POLQ: variants seen among roughly 807,000 people sequenced by gnomAD.
POLQ encodes the protein DNA polymerase theta, also known as epididymis secretory sperm binding protein.
In POLQ, 233 loss-of-function variants were observed where a neutral mutation model predicts 259.2. The observed-to-expected ratio is 0.90, with a 90% CI of 0.81 to 1.00. The LOEUF (loss-of-function observed/expected upper bound fraction) is 1.00, where lower values mean the gene tolerates loss of function less well. Among genes scored for constraint, POLQ ranks in the 50% least tolerant of loss-of-function variants. POLQ has a pLI of 0.00. For synonymous variants in POLQ, 1,025 were observed against 1,048.8 expected (o/e 0.98, Z 0.44); for missense variants, 2,871 against 3,051.6 (o/e 0.94, Z 1.39).
At chr3:121,528,106 G>A (rs1400671117) in intron 7 of POLQ, among the ~76,000 whole-genome samples, 1 of 152,104 alleles carries the variant, frequency 6.6e-6, no homozygotes, top group African/African-American at 2.4e-5. Context: ...GTGTCTGTGT[G>A]CCTAAGTTTT....
intron 3 of POLQ, among the ~76,000 whole-genome samples, chr3:121,540,946 C>T (rs976968779): frequency 3.3e-5 from 5 of 150,300 alleles, no homozygotes; most frequent in Non-Finnish European, 5.9e-5. Context: ...GGCTGGAGTG[C>T]AATAGCGTGA....
intron 17 of POLQ, among the ~76,000 whole-genome samples, chr3:121,483,923 G>T (rs1205160468): frequency 6.6e-6 from 1 of 152,028 alleles, no homozygotes; most frequent in Non-Finnish European, 1.5e-5. Flanking sequence ...ATTTTAAAGA[G>T]AGATTTAGTA....
In POLQ at chr3:121,539,609, A is replaced by G; in HGVS notation, c.475-20T>C. 6.2e-7 allele frequency: 1 copy of G among 1,601,346 alleles called. No individual in the cohort carries two copies. Among genetic ancestry groups the G allele is most frequent in the Non-Finnish European group, 8.5e-7 (1 of 1,171,072 alleles). On this transcript the variant is annotated intron_variant, in intron 3 of 29. Transcript: ENST00000264233. Reference sequence around the variant, plus strand: ...CAGACTCTGAATTGAGTAAAAAGGAACAATACAGGTGAAAAAACTTGAAAT... The same window carrying G: ...CAGACTCTGAATTGAGTAAAAAGGAGCAATACAGGTGAAAAAACTTGAAAT...
At chr3:121,540,495 T>C (rs2048482463) in intron 3 of POLQ, among the ~76,000 whole-genome samples, 1 of 152,234 alleles carries the variant, frequency 6.6e-6, no homozygotes, top group Admixed American at 6.5e-5. Flanking sequence ...AAATATTGTA[T>C]TTGTGAAAAT....
chr3:121,492,339 A>G (rs1445777906), intron 15 of POLQ, among the ~76,000 whole-genome samples: 1 of 150,960 alleles, frequency 6.6e-6, no homozygotes, highest in African/African-American at 2.4e-5. Flanking sequence ...ACAGTGGTAG[A>G]AAAAATAATT....
intron 19 of POLQ, 26 bp from the exon 20 acceptor site, chr3:121,476,759 G>C: frequency 6.6e-7 from 1 of 1,517,520 alleles, no homozygotes; most frequent in East Asian, 2.3e-5. Context: ...AAATTAAAAC[G>C]TTAATTCATT....
intron 12 of POLQ, among the ~76,000 whole-genome samples, chr3:121,504,520 G>A (rs1179452535): frequency 6.6e-6 from 1 of 152,084 alleles, no homozygotes; most frequent in Non-Finnish European, 1.5e-5. Flanking sequence ...AGAAGAGGAA[G>A]AAATATATCC....
In POLQ at chr3:121,432,289, T is replaced by TC; in HGVS notation, c.*14dup. The TC allele has an allele frequency of 6.3e-7, 1 of 1,582,798 alleles. No individual in the cohort carries two copies. The highest frequency in any genetic ancestry group is 2.3e-5 in the East Asian group (1 of 42,964). The stretch of plus-strand genomic sequence containing the variant: ...CTGCACAGGCTTCCCTGGGAGGACT[T>TC]CATCAACAGCACAGTTACACATCAA... On this transcript the variant is annotated 3_prime_UTR_variant, in exon 30 of 30. Transcript: ENST00000264233.
chr3:121,537,262 AT>A lies in POLQ; in HGVS notation c.632-55del, dbSNP rs1188523736. ...TTACAGAATGTCACATCCATGAAGAATTTTTTTCCAACCTTTATTTCACTCT... is the reference window on the plus strand; with the variant it reads ...TTACAGAATGTCACATCCATGAAGAATTTTTTCCAACCTTTATTTCACTCT... On this transcript the variant is annotated intron_variant, in intron 4 of 29. Coordinates refer to ENST00000264233, the MANE Select transcript of POLQ (RefSeq NM_199420.4). The A allele has an allele frequency of 3.6e-5, 35 of 966,910 alleles. No individual in the cohort carries two copies. In the Middle Eastern group the frequency reaches 8.5e-4, roughly 23 times the overall value. 59.9% of individuals were successfully genotyped at this position (966,910 alleles called of 1,614,324 possible).
chr3:121,492,982 T>C (rs1006674169), intron 15 of POLQ, among the ~76,000 whole-genome samples: 1 of 152,074 alleles, frequency 6.6e-6, no homozygotes, highest in Non-Finnish European at 1.5e-5. Flanking sequence ...TTAAGTCATG[T>C]ATTATTTTTT....
intron 7 of POLQ, among the ~76,000 whole-genome samples, chr3:121,529,233 A>C (rs1194646424): frequency 6.6e-6 from 1 of 152,178 alleles, no homozygotes; most frequent in Non-Finnish European, 1.5e-5. Flanking sequence ...ATACATATGT[A>C]TGTATGTGTG....
At position 121,488,275 on chromosome 3, in the gene POLQ, A is replaced by G. The variant is rs1267374143; in HGVS notation, c.4656T>C (p.Asn1552=). ...TTTCTGAAAATATAATAGATTCATCATTGGAACAAGTCAACTGCTGGTGGG... is the reference window on the plus strand; with the variant it reads ...TTTCTGAAAATATAATAGATTCATCGTTGGAACAAGTCAACTGCTGGTGGG... ...QDTHQQLTCS[N]DESIIFSEMD... The change falls in exon 16 of 30, where the codon AAT becomes AAC. Residue 1552 remains asparagine (N), a synonymous_variant. Transcript: ENST00000264233. 1.9e-6 allele frequency: 3 copies of G among 1,612,834 alleles called. No homozygotes were observed. The highest frequency in any genetic ancestry group is 1.7e-5 in the Admixed American group (1 of 59,894).
chr3:121,474,978 T>C (rs953515578), intron 20 of POLQ, among the ~76,000 whole-genome samples: 1 of 152,210 alleles, frequency 6.6e-6, no homozygotes, highest in Non-Finnish European at 1.5e-5. Flanking sequence ...CTGATTAACA[T>C]ATTGATCACC....
rs140834928 is a variant in POLQ at position 121,472,154 on chromosome 3, T to C, written c.6554A>G (p.Asn2185Ser). 2.1e-6 allele frequency: 3 copies of C among 1,460,082 alleles called. No individual in the cohort carries two copies. The highest frequency in any genetic ancestry group is 2.8e-5 in the African/African-American group (2 of 71,438). The allele number at this position is 1,460,082 out of a possible 1,614,324, so 90.4% of individuals were successfully genotyped here. ...RQFSTSKDVL[N>S]KLKALHPLPG... ...TAAAGGATGTAATGCCTTTAATTTA[T>C]TTAAAACGTCCTGCCAAAAAAATAT... The change falls in exon 22 of 30, where the codon AAT becomes AGT. Residue 2185 changes from asparagine to serine, a missense_variant. Transcript: ENST00000264233.
At chr3:121,529,836 AG>A (rs2048398330) in intron 6 of POLQ, 44 bp from the exon 7 acceptor site, 1 of 1,461,414 alleles carries the variant, frequency 6.8e-7, no homozygotes, top group African/African-American at 1.4e-5. Flanking sequence ...TCCTTTCAAA[AG>A]ATTCTCACAT....
rs1472714024 is a variant in POLQ, at chr3:121,433,003, A to G, written c.7574T>C (p.Met2525Thr). The change falls in exon 29 of 30, where the codon ATG becomes ACG. Residue 2525 changes from methionine (M) to threonine (T), a missense_variant. Around this residue, in one of 3 missense-constraint regions of POLQ, gnomAD observed 2,080 missense variants for 2,126.0 expected, o/e 0.98. Transcript: ENST00000264233. The part of the protein sequence containing the change: ...GLSRKRKLQG[M>T]FCPIRGGFFI... ...GAAGCCTCCTCTGATTGGGCAGAAC[A>G]TCCCTTGCAGTTTTCTCTTTCGTGA... 1 of 1,611,578 alleles carries G rather than the reference A, an allele frequency of 6.2e-7. No individual in the cohort carries two copies. The highest frequency in any genetic ancestry group is 1.1e-5 in the South Asian group (1 of 91,028).
intron 28 of POLQ, among the ~76,000 whole-genome samples, chr3:121,433,599 G>C (rs1044970532): frequency 5.9e-5 from 9 of 152,204 alleles, no homozygotes; most frequent in Non-Finnish European, 1.5e-5. Context: ...TTATATGTAA[G>C]AGTCTATGTC....
At chr3:121,437,268 G>A (rs113679172) in intron 27 of POLQ, among the ~76,000 whole-genome samples, 1 of 152,018 alleles carries the variant, frequency 6.6e-6, no homozygotes, top group African/African-American at 2.4e-5. Flanking sequence ...TGGGAGAAAA[G>A]GCCAGACACA....
At position 121,431,620 on chromosome 3, in the gene POLQ, G is replaced by C. The variant is rs2047493258; in HGVS notation, c.*684C>G. The C allele has an allele frequency of 6.6e-6, 1 of 152,472 alleles. No individual in the cohort carries two copies. Among genetic ancestry groups the C allele is most frequent in the Non-Finnish European group, 1.5e-5 (1 of 68,008 alleles). The allele number at this position is 152,472 out of a possible 1,614,324, so 9.4% of individuals were successfully genotyped here. ...ATATTGACCTGCAATAAAAACATCT[G>C]ATCTTACAGAACAGGATACCTCTTG... On this transcript the variant is annotated 3_prime_UTR_variant, in exon 30 of 30. Transcript: ENST00000264233.
Sources: allele counts gnomAD v4.1 joint callset (sites outside exome capture counted in the v4.1 genomes callset), GRCh38; gene constraint gnomAD v4.1.1; regional missense constraint gnomAD v4.1.1; transcripts MANE v1.5; gene names NCBI Gene and HGNC (gene_info 2026-07-23, HGNC 2026-07-21).